KSR2: variants seen among roughly 807,000 people sequenced by gnomAD.
KSR2 encodes the protein kinase suppressor of ras 2.
A neutral mutation model predicts 107.8 loss-of-function variants in KSR2; 25 were observed. The ratio of observed to expected loss-of-function variants is 0.23; its 90% confidence interval spans 0.17 to 0.32. The LOEUF is 0.32. KSR2 is among the 10% of genes least tolerant of loss of function. KSR2 has a pLI of 1.00. For synonymous variants in KSR2, 480 were observed against 507.0 expected, an observed-to-expected ratio of 0.95 and a Z score of 0.71; for missense variants, 887 against 1,268.9, an observed-to-expected ratio of 0.70 and a Z score of 4.57.
At chr12:117,633,537 T>G (rs1882908221) in intron 5 of KSR2, among the ~76,000 whole-genome samples, 1 of 152,212 alleles carries the variant, frequency 6.6e-6, no homozygotes. Flanking sequence ...TTGACAGGAT[T>G]GGTTCTTTGT....
At chr12:117,896,295 T>C (rs771736696) in intron 1 of KSR2, among the ~76,000 whole-genome samples, 1 of 152,164 alleles carries the variant, frequency 6.6e-6, no homozygotes, top group South Asian at 2.1e-4. Context: ...TATAGTATGA[T>C]TCCACTGAAA....
At chr12:117,585,087 C>A (rs181464338) in intron 5 of KSR2, among the ~76,000 whole-genome samples, 3 of 152,204 alleles carry the variant, frequency 2.0e-5, no homozygotes, top group African/African-American at 7.2e-5. Context: ...TGTGTGTTAC[C>A]AGCATCTGGT....
At chr12:117,592,354 TCCTC>T (rs1265452963) in intron 5 of KSR2, among the ~76,000 whole-genome samples, 1 of 152,066 alleles carries the variant, frequency 6.6e-6, no homozygotes, top group Non-Finnish European at 1.5e-5. Flanking sequence ...CCTCAGGTGA[TCCTC>T]CCACTTCAGC....
At chr12:117,854,283 A>G (rs4766884) in intron 3 of KSR2, among the ~76,000 whole-genome samples, 21,166 of 152,246 alleles carry the variant, frequency 0.14, 1,626 homozygotes, top group East Asian at 0.29. Context: ...CTGGGATTAC[A>G]GGCGTGAGCC....
intron 5 of KSR2, among the ~76,000 whole-genome samples, chr12:117,648,758 T>C (rs753063110): frequency 6.6e-6 from 1 of 152,242 alleles, no homozygotes; most frequent in Non-Finnish European, 1.5e-5. Flanking sequence ...CCTTATGGGC[T>C]GGCATGGGCC....
intron 5 of KSR2, among the ~76,000 whole-genome samples, chr12:117,634,003 G>A (rs149195124): frequency 1.4e-4 from 22 of 152,282 alleles, no homozygotes; most frequent in Middle Eastern, 6.8e-3. Context: ...TGGATGATTT[G>A]TTTTCCCATT....
At chr12:117,950,776 T>C (rs1426745293) in intron 1 of KSR2, among the ~76,000 whole-genome samples, 2 of 148,978 alleles carry the variant, frequency 1.3e-5, no homozygotes, top group Admixed American at 1.3e-4. Flanking sequence ...ATAATGATAA[T>C]AATAATAATA....
intron 3 of KSR2, among the ~76,000 whole-genome samples, chr12:117,820,696 G>A (rs772807874): frequency 1.3e-5 from 2 of 151,952 alleles, no homozygotes; most frequent in Non-Finnish European, 2.9e-5. Context: ...ACAACCCAGA[G>A]GTTCATCAAC....
chr12:117,647,749 G>A (rs1883715980), intron 5 of KSR2, among the ~76,000 whole-genome samples: 2 of 152,108 alleles, frequency 1.3e-5, no homozygotes, highest in African/African-American at 4.8e-5. Context: ...TAGTGACAGA[G>A]TCTCACTCTG....
chr12:117,921,861 G>C (rs935916879), intron 1 of KSR2, among the ~76,000 whole-genome samples: 2 of 152,146 alleles, frequency 1.3e-5, no homozygotes, highest in African/African-American at 4.8e-5. Flanking sequence ...AGCTAGTAAA[G>C]TGGTTTGACA....
At chr12:117,666,211 T>C (rs749172046) in intron 5 of KSR2, among the ~76,000 whole-genome samples, 12 of 152,182 alleles carry the variant, frequency 7.9e-5, no homozygotes, top group Non-Finnish European at 1.8e-4. Context: ...GGATGCACCA[T>C]AAACACCCAT....
chr12:117,469,880 TC>T, intron 18 of KSR2, 85 bp from the exon 19 acceptor site: 1 of 1,363,234 alleles, frequency 7.3e-7, no homozygotes, highest in Non-Finnish European at 1.0e-6. Context: ...TGCCAATTTG[TC>T]CACTCATCTG....
chr12:117,693,417 T>C (rs1219307146), intron 4 of KSR2, among the ~76,000 whole-genome samples: 1 of 152,194 alleles, frequency 6.6e-6, no homozygotes. Context: ...GCTGACTTGG[T>C]AGAACATTCC....
chr12:117,775,490 T>C (rs1889655627), intron 3 of KSR2, among the ~76,000 whole-genome samples: 5 of 152,226 alleles, frequency 3.3e-5, no homozygotes, highest in Admixed American at 3.3e-4. Flanking sequence ...CTCATAACAA[T>C]CTTGTGAGAT....
intron 3 of KSR2, among the ~76,000 whole-genome samples, chr12:117,811,493 C>T (rs1891189554): frequency 1.3e-5 from 2 of 152,208 alleles, no homozygotes; most frequent in Admixed American, 6.5e-5. Context: ...TGAAGCCCAG[C>T]GATCTGTGTT....
intron 4 of KSR2, among the ~76,000 whole-genome samples, chr12:117,738,048 G>T (rs665540): frequency 0.2 from 29,931 of 151,992 alleles, 3,611 homozygotes; most frequent in South Asian, 0.29. Flanking sequence ...TCCAAGCACA[G>T]CAGTTAAAAC....
intron 9 of KSR2, 133 bp downstream of exon 9, chr12:117,555,036 C>G: frequency 9.5e-7 from 1 of 1,055,570 alleles, no homozygotes; most frequent in Non-Finnish European, 1.4e-6. Flanking sequence ...TCAACACAAA[C>G]ATCACAGAAT....
chr12:117,844,744 C>G (rs138557267), intron 3 of KSR2, among the ~76,000 whole-genome samples: 56 of 152,330 alleles, frequency 3.7e-4, no homozygotes, highest in African/African-American at 1.1e-3. Flanking sequence ...GTATCTACCC[C>G]CTAAGCCTTT....
At chr12:117,574,770 CCAGGTGT>C (rs1879163484) in intron 7 of KSR2, among the ~76,000 whole-genome samples, 1 of 151,958 alleles carries the variant, frequency 6.6e-6, no homozygotes, top group Non-Finnish European at 1.5e-5. Flanking sequence ...GCATTTCTAG[CCAGGTGT>C]CAGGTGACGC....
Sources: gnomAD v4.1 joint callset for allele counts (sites outside exome capture counted in the v4.1 genomes callset) on GRCh38, gnomAD v4.1.1 for gene constraint, MANE v1.5 for transcripts, NCBI Gene and HGNC (gene_info 2026-07-23, HGNC 2026-07-21) for gene names.